The following DCC variants were observed in gnomAD, a reference collection of about 807,000 sequenced individuals.
DCC encodes the protein DCC netrin 1 receptor.
A neutral mutation model predicts 172.5 loss-of-function variants in DCC; 58 were observed. The observed-to-expected ratio is 0.34, with a 90% CI of 0.27 to 0.42. The LOEUF (loss-of-function observed/expected upper bound fraction) is 0.42. DCC is among the 10% of genes least tolerant of loss of function. DCC has a pLI of 1.00. For missense variants in DCC, 1,740 were observed against 1,791.0 expected, an observed-to-expected ratio of 0.97 and a Z score of 0.51; for synonymous variants, 709 against 644.5, an observed-to-expected ratio of 1.10 and a Z score of -1.52.
In DCC at chr18:52,340,755, G is replaced by A. The variant is rs756908667; in HGVS notation, c.-33G>A. On this transcript the variant is annotated 5_prime_UTR_variant, in exon 1 of 29. Coordinates refer to ENST00000442544, the MANE Select transcript of DCC (RefSeq NM_005215.4). ...ATGTGTGTGAGTGCTGCCGCTGCCCGCGACCCCTGGCCCCGAAGGTGTTGG... is the reference window on the plus strand; with the variant it reads ...ATGTGTGTGAGTGCTGCCGCTGCCCACGACCCCTGGCCCCGAAGGTGTTGG... 1 of 1,558,946 alleles carries A rather than the reference G, an allele frequency of 6.4e-7. No homozygotes were observed. Among genetic ancestry groups the A allele is most frequent in the Non-Finnish European group, 8.8e-7 (1 of 1,130,256 alleles).
At chr18:53,164,142 T>A (rs1322000872) in intron 8 of DCC, among the ~76,000 whole-genome samples, 1 of 152,230 alleles carries the variant, frequency 6.6e-6, no homozygotes, top group African/African-American at 2.4e-5. Flanking sequence ...AATTATGACA[T>A]GCAATTCTTT....
chr18:52,611,964 C>T (rs1431764178), intron 1 of DCC, among the ~76,000 whole-genome samples: 1 of 152,088 alleles, frequency 6.6e-6, no homozygotes, highest in Non-Finnish European at 1.5e-5. Context: ...GAGGAGAAAA[C>T]AGAGATAGGT....
At chr18:53,415,808 A>G (rs1254651799) in intron 20 of DCC, among the ~76,000 whole-genome samples, 2 of 80,282 alleles carry the variant, frequency 2.5e-5, no homozygotes, top group Non-Finnish European at 8.4e-5. Flanking sequence ...TGGTAATTGC[A>G]TGCAGTTTTT....
chr18:52,403,217 A>G (rs191220274), intron 1 of DCC, among the ~76,000 whole-genome samples: 2 of 152,204 alleles, frequency 1.3e-5, no homozygotes, highest in East Asian at 3.9e-4. Flanking sequence ...TAAGCATTCA[A>G]AAGAATGATA....
At chr18:53,312,158 A>G (rs201341613) in intron 13 of DCC, among the ~76,000 whole-genome samples, 76,103 of 142,034 alleles carry the variant, frequency 0.54, 21,744 homozygotes, top group East Asian at 0.72. Flanking sequence ...AAATACAAAA[A>G]AAAAAAAAAA....
At chr18:52,374,069 T>C (rs1208708293) in intron 1 of DCC, among the ~76,000 whole-genome samples, 1 of 151,670 alleles carries the variant, frequency 6.6e-6, no homozygotes, top group Non-Finnish European at 1.5e-5. Context: ...TTTTTTTGTG[T>C]TTTTAGTAAA....
At chr18:53,070,061 C>T (rs1022617768) in intron 7 of DCC, among the ~76,000 whole-genome samples, 20 of 151,634 alleles carry the variant, frequency 1.3e-4, no homozygotes, top group African/African-American at 4.4e-4. Flanking sequence ...CTCACTGCAA[C>T]CTCCGCCTCC....
At chr18:52,634,809 G>C (rs1460099916) in intron 1 of DCC, among the ~76,000 whole-genome samples, 2 of 152,128 alleles carry the variant, frequency 1.3e-5, no homozygotes, top group South Asian at 4.2e-4. Flanking sequence ...CATCTCTGAG[G>C]TGCAGAGGTC....
At chr18:53,163,641 T>A (rs1387427127) in intron 8 of DCC, among the ~76,000 whole-genome samples, 4 of 152,242 alleles carry the variant, frequency 2.6e-5, no homozygotes, top group African/African-American at 9.6e-5. Flanking sequence ...CAAATCTTTT[T>A]ATCCAACCCC....
At chr18:52,815,437 C>CACACACACACACAT (rs200788100) in intron 2 of DCC, among the ~76,000 whole-genome samples, 13 of 150,542 alleles carry the variant, frequency 8.6e-5, no homozygotes, top group Admixed American at 7.3e-4. Context: ...CACACACACA[C>CACACACACACACAT]GTTCTCTCTC....
intron 27 of DCC, among the ~76,000 whole-genome samples, chr18:53,499,852 G>C (rs565374827): frequency 9.2e-5 from 14 of 152,070 alleles, no homozygotes; most frequent in Non-Finnish European, 1.9e-4. Flanking sequence ...AGTTCTAAGC[G>C]TTAAAGCTAG....
intron 2 of DCC, among the ~76,000 whole-genome samples, chr18:52,755,806 T>C (rs1012505290): frequency 1.3e-5 from 2 of 152,028 alleles, no homozygotes; most frequent in Non-Finnish European, 2.9e-5. Context: ...TTTTGCTTTC[T>C]CAAAGTGTCT....
intron 1 of DCC, among the ~76,000 whole-genome samples, chr18:52,573,763 T>C (rs1427794274): frequency 6.6e-6 from 1 of 152,162 alleles, no homozygotes; most frequent in African/African-American, 2.4e-5. Flanking sequence ...CTTTTTTAAC[T>C]GGATGAAGAA....
chr18:52,432,314 T>C (rs530989031), intron 1 of DCC, among the ~76,000 whole-genome samples: 1 of 152,268 alleles, frequency 6.6e-6, no homozygotes, highest in Admixed American at 6.5e-5. Flanking sequence ...TGGGTCTCCT[T>C]TGATGTACGA....
intron 1 of DCC, among the ~76,000 whole-genome samples, chr18:52,439,264 G>C (rs1987899458): frequency 1.3e-5 from 2 of 150,480 alleles, no homozygotes; most frequent in Non-Finnish European, 2.9e-5. Flanking sequence ...TTACTACAGT[G>C]ATCTAGTAGT....
chr18:53,212,890 T>G (rs1342659385), intron 11 of DCC, among the ~76,000 whole-genome samples: 2 of 152,154 alleles, frequency 1.3e-5, no homozygotes, highest in Non-Finnish European at 2.9e-5. Flanking sequence ...CAAGCTGGTC[T>G]CGAACTCCTG....
intron 27 of DCC, among the ~76,000 whole-genome samples, chr18:53,513,321 A>G (rs1479758585): frequency 6.6e-6 from 1 of 152,214 alleles, no homozygotes; most frequent in Non-Finnish European, 1.5e-5. Context: ...AGCGCTAAAC[A>G]TGGAAAGGAA....
At chr18:52,423,071 A>G (rs1051549535) in intron 1 of DCC, among the ~76,000 whole-genome samples, 6 of 152,142 alleles carry the variant, frequency 3.9e-5, no homozygotes, top group Non-Finnish European at 8.8e-5. Context: ...TTCCTGGGAC[A>G]CCTGGATTCA....
At chr18:53,387,779 A>G (rs1485138810) in intron 16 of DCC, among the ~76,000 whole-genome samples, 3 of 152,198 alleles carry the variant, frequency 2.0e-5, no homozygotes, top group African/African-American at 7.2e-5. Context: ...GCTCATTGCC[A>G]TGGTGACTTG....
Sources: allele counts gnomAD v4.1 joint callset (sites outside exome capture counted in the v4.1 genomes callset), GRCh38; gene constraint gnomAD v4.1.1; transcripts MANE v1.5; gene names NCBI Gene and HGNC (gene_info 2026-07-23, HGNC 2026-07-21).